CACNA2D3: variants seen among roughly 807,000 people sequenced by gnomAD.
The protein encoded by CACNA2D3 is voltage-dependent calcium channel subunit alpha-2/delta-3.
In CACNA2D3, 60 loss-of-function variants were observed where a neutral mutation model predicts 160.6. That is an observed-to-expected ratio of 0.37 (90% confidence interval 0.30 to 0.46). The LOEUF is 0.46. CACNA2D3 is among the 20% of genes least tolerant of loss of function. The probability of loss-of-function intolerance (pLI) is 1.00; values close to 1 mark genes in which losing one functional copy is unlikely to be tolerated. For missense variants in CACNA2D3, 1,205 were observed against 1,365.0 expected (o/e 0.88, Z 1.85); for synonymous variants, 558 against 492.9 (o/e 1.13, Z -1.75).
chr3:54,900,722 G>A (rs1017830616), intron 27 of CACNA2D3, among the ~76,000 whole-genome samples: 5 of 152,228 alleles, frequency 3.3e-5, no homozygotes, highest in African/African-American at 7.2e-5. Flanking sequence ...GTACTTTAGG[G>A]TGACTTAACA....
chr3:54,710,577 C>G (rs142295980), intron 11 of CACNA2D3, among the ~76,000 whole-genome samples: 1 of 152,136 alleles, frequency 6.6e-6, no homozygotes, highest in Non-Finnish European at 1.5e-5. Flanking sequence ...CAGAATTTAG[C>G]CACATGGACC....
chr3:55,057,826 A>G (rs747912993), intron 35 of CACNA2D3, among the ~76,000 whole-genome samples: 1 of 152,042 alleles, frequency 6.6e-6, no homozygotes, highest in East Asian at 1.9e-4. Flanking sequence ...ACTGAATGGG[A>G]GAATAGTTCT....
intron 25 of CACNA2D3, among the ~76,000 whole-genome samples, chr3:54,895,856 A>G (rs984816116): frequency 6.6e-6 from 1 of 152,218 alleles, no homozygotes; most frequent in Admixed American, 6.5e-5. Context: ...ATAATCATGC[A>G]CTGGGACTTG....
intron 17 of CACNA2D3, among the ~76,000 whole-genome samples, chr3:54,851,157 A>C (rs1699048739): frequency 6.6e-6 from 1 of 152,262 alleles, no homozygotes. Flanking sequence ...TTTATGGGAC[A>C]GGAACTATTC....
At chr3:54,222,521 CTGCTG>C (rs1701594280) in intron 2 of CACNA2D3, among the ~76,000 whole-genome samples, 2 of 152,328 alleles carry the variant, frequency 1.3e-5, no homozygotes, top group South Asian at 4.2e-4. Flanking sequence ...TTTACTGAGT[CTGCTG>C]AGTCAATGTT....
At chr3:54,952,358 C>G (rs928785451) in intron 27 of CACNA2D3, among the ~76,000 whole-genome samples, 7 of 152,164 alleles carry the variant, frequency 4.6e-5, no homozygotes, top group Admixed American at 2.0e-4. Flanking sequence ...TGTCTTATTT[C>G]TTCAGAGGGA....
chr3:54,894,158 G>A (rs910764409), intron 25 of CACNA2D3, among the ~76,000 whole-genome samples: 3 of 152,168 alleles, frequency 2.0e-5, no homozygotes, highest in Non-Finnish European at 4.4e-5. Flanking sequence ...ATAGCTCCTA[G>A]TATCCAGGAG....
chr3:54,903,548 T>C (rs1700387221), intron 27 of CACNA2D3, among the ~76,000 whole-genome samples: 2 of 152,254 alleles, frequency 1.3e-5, no homozygotes, highest in Admixed American at 1.3e-4. Context: ...GATAGAATGA[T>C]TTATATTCCT....
At chr3:54,703,185 A>G (rs1365343442) in intron 11 of CACNA2D3, among the ~76,000 whole-genome samples, 2 of 152,126 alleles carry the variant, frequency 1.3e-5, no homozygotes, top group African/African-American at 2.4e-5. Context: ...GTGACATGCA[A>G]TTTACTCATG....
intron 2 of CACNA2D3, among the ~76,000 whole-genome samples, chr3:54,263,108 A>G (rs1486237817): frequency 6.6e-6 from 1 of 152,236 alleles, no homozygotes; most frequent in Non-Finnish European, 1.5e-5. Flanking sequence ...CTGTTCTAAT[A>G]CAAATGAAGC....
intron 17 of CACNA2D3, among the ~76,000 whole-genome samples, chr3:54,865,720 G>A (rs1699387256): frequency 6.6e-6 from 1 of 152,346 alleles, no homozygotes; most frequent in African/African-American, 2.4e-5. Flanking sequence ...CCCTAGGGGT[G>A]AGCTGCATGG....
chr3:54,760,449 T>G (rs1245023887), intron 12 of CACNA2D3, among the ~76,000 whole-genome samples: 1 of 152,042 alleles, frequency 6.6e-6, no homozygotes, highest in Non-Finnish European at 1.5e-5. Context: ...TGGAGCCAAT[T>G]CAGGGAGGGT....
At chr3:54,218,555 A>G (rs1293011406) in intron 2 of CACNA2D3, among the ~76,000 whole-genome samples, 2 of 152,244 alleles carry the variant, frequency 1.3e-5, no homozygotes, top group Admixed American at 1.3e-4. Flanking sequence ...ATGTTAGCAT[A>G]TTAACCCCCC....
intron 2 of CACNA2D3, among the ~76,000 whole-genome samples, chr3:54,235,195 T>G (rs1701850464): frequency 6.6e-6 from 1 of 152,132 alleles, no homozygotes; most frequent in Admixed American, 6.5e-5. Context: ...ACACAATGAT[T>G]AGTGTGTGCT....
At chr3:54,889,132 A>T (rs1575533187) in intron 24 of CACNA2D3, among the ~76,000 whole-genome samples, 1 of 149,302 alleles carries the variant, frequency 6.7e-6, no homozygotes, top group East Asian at 1.9e-4. Context: ...CACAGCTGAC[A>T]TATAGAGGAT....
intron 14 of CACNA2D3, among the ~76,000 whole-genome samples, chr3:54,820,662 G>T (rs141927939): frequency 9.1e-4 from 139 of 152,202 alleles, no homozygotes; most frequent in Admixed American, 2.2e-3. Context: ...CATTCTTCTG[G>T]GTGGAAATTG....
At position 54,446,822 on chromosome 3, in the gene CACNA2D3, C is replaced by G. The variant is rs116240206; in HGVS notation, c.382-56670C>G. 2.3e-3 allele frequency among the ~76,000 whole-genome samples: 357 copies of G among 152,216 alleles called. 3 individuals carry two copies. Among genetic ancestry groups the G allele is most frequent in the African/African-American group, 8.4e-3 (348 of 41,544 alleles). On this transcript the variant is annotated intron_variant, in intron 4 of 37. Coordinates refer to ENST00000474759, the MANE Select transcript of CACNA2D3 (RefSeq NM_018398.3). ...TGCCCTTCCCTGGCCTCCCCTCCCT[C>G]CCCACTGAATTCTCTGCACCTCTGA...
intron 21 of CACNA2D3, among the ~76,000 whole-genome samples, chr3:54,882,988 T>A (rs968998436): frequency 1.3e-5 from 2 of 152,180 alleles, no homozygotes; most frequent in African/African-American, 4.8e-5. Flanking sequence ...ATTGTTTCTC[T>A]TATGAATCTT....
At chr3:54,471,672 A>G (rs1409877558) in intron 4 of CACNA2D3, among the ~76,000 whole-genome samples, 3 of 152,192 alleles carry the variant, frequency 2.0e-5, no homozygotes, top group African/African-American at 7.2e-5. Flanking sequence ...ATAAATAAGA[A>G]AAGAGAGAAG....
Sources: gnomAD v4.1 joint callset for allele counts (sites outside exome capture counted in the v4.1 genomes callset) on GRCh38, gnomAD v4.1.1 for gene constraint, MANE v1.5 for transcripts, NCBI Gene and HGNC (gene_info 2026-07-23, HGNC 2026-07-21) for gene names.